The following RBMS1 variants were observed in gnomAD, a reference collection of about 807,000 sequenced individuals.
The protein encoded by RBMS1 is RNA binding motif single stranded interacting protein 1, also known as RNA-binding motif, single-stranded-interacting protein 1.
Under a neutral mutation model 62.3 loss-of-function variants are expected in RBMS1, and 17 were observed. The ratio of observed to expected loss-of-function variants is 0.27; its 90% confidence interval spans 0.19 to 0.41. The LOEUF (loss-of-function observed/expected upper bound fraction) is 0.41. Ranked by LOEUF, RBMS1 falls within the 10% of genes least tolerant of loss-of-function variation. The pLI is 1.00. For synonymous variants in RBMS1, 172 were observed against 170.0 expected, an observed-to-expected ratio of 1.01 and a Z score of -0.09; for missense variants, 334 against 504.5, an observed-to-expected ratio of 0.66 and a Z score of 3.24.
chr2:160,395,211 T>C (rs968998504), intron 1 of RBMS1, among the ~76,000 whole-genome samples: 9 of 152,228 alleles, frequency 5.9e-5, no homozygotes, highest in African/African-American at 2.2e-4. Flanking sequence ...GTTTCCGAAG[T>C]TTCTTTGTAA....
intron 1 of RBMS1, among the ~76,000 whole-genome samples, chr2:160,465,039 C>A (rs560221435): frequency 6.6e-6 from 1 of 152,286 alleles, no homozygotes; most frequent in Non-Finnish European, 1.5e-5. Flanking sequence ...TAAAGGGCAT[C>A]TAAGCAAATG....
At chr2:160,286,751 G>A (rs1472829106) in intron 7 of RBMS1, among the ~76,000 whole-genome samples, 4 of 151,968 alleles carry the variant, frequency 2.6e-5, no homozygotes, top group African/African-American at 4.8e-5. Context: ...ACCACCTATC[G>A]GTCCATCTGG....
At chr2:160,381,202 G>A (rs1466198848) in intron 1 of RBMS1, among the ~76,000 whole-genome samples, 1 of 152,052 alleles carries the variant, frequency 6.6e-6, no homozygotes, top group African/African-American at 2.4e-5. Flanking sequence ...AGTCATCCTA[G>A]AAATAGATAA....
chr2:160,275,514 G>T, intron 13 of RBMS1, 116 bp downstream of exon 13: 1 of 1,461,254 alleles, frequency 6.8e-7, no homozygotes, highest in Non-Finnish European at 9.1e-7. Flanking sequence ...CCTTGGCCAC[G>T]ATTAAAGCAG....
At chr2:160,455,150 A>T (rs1334340878) in intron 1 of RBMS1, among the ~76,000 whole-genome samples, 1 of 152,242 alleles carries the variant, frequency 6.6e-6, no homozygotes, top group Non-Finnish European at 1.5e-5. Flanking sequence ...CTTTTCAAGA[A>T]AAAGACCGGT....
At chr2:160,404,685 C>A (rs541281325) in intron 1 of RBMS1, among the ~76,000 whole-genome samples, 3 of 152,150 alleles carry the variant, frequency 2.0e-5, no homozygotes, top group Admixed American at 1.3e-4. Context: ...ATGTAGAAAG[C>A]TTTAAGAGTT....
At chr2:160,300,141 G>A (rs931660319) in intron 6 of RBMS1, among the ~76,000 whole-genome samples, 6 of 152,162 alleles carry the variant, frequency 3.9e-5, no homozygotes, top group Non-Finnish European at 7.4e-5. Context: ...GGATCCCTTT[G>A]TATTTCAGAT....
chr2:160,325,112 C>T (rs891563882), intron 2 of RBMS1, among the ~76,000 whole-genome samples: 1 of 151,880 alleles, frequency 6.6e-6, no homozygotes, highest in African/African-American at 2.4e-5. Flanking sequence ...AAAGGCCAAG[C>T]ATGTTGACAG....
rs1341557401 is a variant in RBMS1, at chr2:160,281,779, A to C, written c.901-415T>G. ...ATGACGATTAATTCCAGCACATCTT[A>C]TTAGAAGCTAACCCTTAAAGTATGT... On this transcript the variant is annotated intron_variant, in intron 9 of 13. Coordinates refer to ENST00000348849, the MANE Select transcript of RBMS1 (RefSeq NM_016836.4). 5 of 179,102 alleles carry C rather than the reference A, an allele frequency of 2.8e-5. No individual in the cohort carries two copies. In the Admixed American group the frequency reaches 2.8e-4, roughly 10 times the overall value. The allele number at this position is 179,102 out of a possible 1,614,324, so 11.1% of individuals were successfully genotyped here. A position where few individuals can be genotyped will look rare whatever the true frequency, so the allele number is the denominator to read the frequency against.
intron 1 of RBMS1, among the ~76,000 whole-genome samples, chr2:160,397,448 C>T (rs1473748825): frequency 6.6e-6 from 1 of 152,074 alleles, no homozygotes; most frequent in Non-Finnish European, 1.5e-5. Context: ...CTAATCCTGC[C>T]TCAACCTTTC....
rs1687644370 is a variant in RBMS1, at chr2:160,272,750, A to G, written c.*2022T>C. 6.6e-6 allele frequency: 1 copy of G among 152,268 alleles called. No individual in the cohort carries two copies. The highest frequency in any genetic ancestry group is 1.5e-5 in the Non-Finnish European group (1 of 68,062). The allele number at this position is 152,268 out of a possible 1,614,324, so 9.4% of individuals were successfully genotyped here. On this transcript the variant is annotated 3_prime_UTR_variant, in exon 14 of 14. Coordinates refer to ENST00000348849, the MANE Select transcript of RBMS1 (RefSeq NM_016836.4). ...CCAATAATACCACAACTTTAAAAAAATGAAACAAAAACAAAAACAAAAACA... is the reference window on the plus strand; with the variant it reads ...CCAATAATACCACAACTTTAAAAAAGTGAAACAAAAACAAAAACAAAAACA...
chr2:160,419,484 CAT>C (rs1223316923), intron 1 of RBMS1, among the ~76,000 whole-genome samples: 12 of 152,158 alleles, frequency 7.9e-5, no homozygotes, highest in African/African-American at 2.9e-4. Flanking sequence ...AGTTCAAAAT[CAT>C]ATCATTCGTT....
chr2:160,287,964 C>A (rs941172914), intron 6 of RBMS1, among the ~76,000 whole-genome samples: 4 of 149,578 alleles, frequency 2.7e-5, no homozygotes, highest in Non-Finnish European at 4.4e-5. Flanking sequence ...TATATAAATT[C>A]TTCTTACAGA....
intron 7 of RBMS1, among the ~76,000 whole-genome samples, chr2:160,286,315 T>A (rs865956901): frequency 1.3e-5 from 2 of 150,982 alleles, no homozygotes; most frequent in East Asian, 3.9e-4. Context: ...TTTTTTTTTT[T>A]TTTTATTTTG....
At position 160,387,169 on chromosome 2, in the gene RBMS1, T is replaced by TA. The variant is rs553826967; in HGVS notation, c.76-19779dup. ...TTCCCCTCTAGCTGTTCAATAGCCC[T>TA]ATATATGGTTGTCAGTATAGAAGTT... On this transcript the variant is annotated intron_variant, in intron 1 of 13. Transcript: ENST00000348849. 7.9e-5 allele frequency among the ~76,000 whole-genome samples: 12 copies of TA among 152,310 alleles called. No individual in the cohort carries two copies. In the South Asian group the frequency reaches 2.5e-3, roughly 32 times the overall value.
chr2:160,391,606 T>C (rs779668680), intron 1 of RBMS1, among the ~76,000 whole-genome samples: 15 of 152,182 alleles, frequency 9.9e-5, no homozygotes, highest in Non-Finnish European at 1.9e-4. Flanking sequence ...GCTTCCATGA[T>C]GCAATTACTA....
At chr2:160,464,247 A>G (rs1220445751) in intron 1 of RBMS1, among the ~76,000 whole-genome samples, 1 of 152,244 alleles carries the variant, frequency 6.6e-6, no homozygotes, top group African/African-American at 2.4e-5. Flanking sequence ...GCAACAGCTT[A>G]CATCATCAAA....
chr2:160,310,260 G>A (rs924450999), intron 4 of RBMS1, among the ~76,000 whole-genome samples: 2 of 152,246 alleles, frequency 1.3e-5, no homozygotes, highest in East Asian at 3.9e-4. Flanking sequence ...AAATGGTTCT[G>A]TTGGAATGGA....
chr2:160,471,688 G>GGTGTGT (rs551305498), intron 1 of RBMS1, among the ~76,000 whole-genome samples: 13 of 20,260 alleles, frequency 6.4e-4, no homozygotes, highest in African/African-American at 1.0e-3. Flanking sequence ...GAAATCCTTT[G>GGTGTGT]GTGTATATAT....
Sources: allele counts gnomAD v4.1 joint callset (sites outside exome capture counted in the v4.1 genomes callset), GRCh38; gene constraint gnomAD v4.1.1; transcripts MANE v1.5; gene names NCBI Gene and HGNC (gene_info 2026-07-23, HGNC 2026-07-21).